CMKLR2: variants seen among roughly 807,000 people sequenced by gnomAD.
The protein encoded by CMKLR2 is chemerin-like receptor 2.
Under a neutral mutation model 23.0 loss-of-function variants are expected in CMKLR2, and 18 were observed. The observed-to-expected ratio is 0.78, with a 90% CI of 0.54 to 1.16. The LOEUF is 1.16. Among genes scored for constraint, CMKLR2 ranks in the 50% most tolerant of loss-of-function variants. The pLI, the probability that CMKLR2 is intolerant of heterozygous loss-of-function variation, is 0.00. For synonymous variants in CMKLR2, 158 were observed against 158.9 expected, an observed-to-expected ratio of 0.99 and a Z score of 0.05; for missense variants, 401 against 412.7, an observed-to-expected ratio of 0.97 and a Z score of 0.25.
At chr2:206,210,748 A>C (rs1689530767) in intron 1 of CMKLR2, among the ~76,000 whole-genome samples, 1 of 152,200 alleles carries the variant, frequency 6.6e-6, no homozygotes. Context: ...CGCATGAGCC[A>C]CCGTGCCCGG....
chr2:206,176,814 G>A lies in CMKLR2; in HGVS notation c.434C>T (p.Ser145Phe), dbSNP rs993078046. The change falls in exon 2 of 2, where the codon TCT becomes TTT. Residue 145 changes from serine to phenylalanine, a missense_variant. Coordinates refer to ENST00000621141, the MANE Select transcript of CMKLR2 (RefSeq NM_001389445.1). ...GTTCTTGAGGGTTCGATGCCGATGAGATAAGACAGGATGGATCAAGTGGAT... is the reference window on the plus strand; with the variant it reads ...GTTCTTGAGGGTTCGATGCCGATGAAATAAGACAGGATGGATCAAGTGGAT... The part of the protein sequence containing the change: ...HYIHLIHPVL[S>F]HRHRTLKNSL... 2 of 1,614,036 alleles carry A rather than the reference G, an allele frequency of 1.2e-6. No homozygotes were observed. The highest frequency in any genetic ancestry group is 1.7e-5 in the Admixed American group (1 of 59,990).
At chr2:206,210,651 G>T (rs1689526680) in intron 1 of CMKLR2, among the ~76,000 whole-genome samples, 1 of 151,952 alleles carries the variant, frequency 6.6e-6, no homozygotes, top group Non-Finnish European at 1.5e-5. Flanking sequence ...AGTAGAGACG[G>T]GGTTTCTCCA....
intron 1 of CMKLR2, among the ~76,000 whole-genome samples, chr2:206,211,398 C>T (rs112641086): frequency 0.085 from 12,861 of 152,170 alleles, 696 homozygotes; most frequent in Admixed American, 0.18. Context: ...GATCTTAGCT[C>T]ACCGCAGCCT....
upstream of CMKLR2, among the ~76,000 whole-genome samples, chr2:206,217,059 G>A (rs1426604054): frequency 6.6e-6 from 1 of 151,822 alleles, no homozygotes; most frequent in Non-Finnish European, 1.5e-5. Flanking sequence ...ATTAATTTTT[G>A]TCAGTGATCA....
Position 206,175,934 on chromosome 2 carries a change from AATT to A in CMKLR2, c.*243_*245del. 2.8e-6 allele frequency: 1 copy of A among 360,100 alleles called. No homozygotes were observed. Among genetic ancestry groups the A allele is most frequent in the Non-Finnish European group, 5.0e-6 (1 of 201,956 alleles). The allele number at this position is 360,100 out of a possible 1,614,324, so 22.3% of individuals were successfully genotyped here. On this transcript the variant is annotated 3_prime_UTR_variant, in exon 2 of 2. Transcript: ENST00000621141. ...GCATTTCATTTAAGTTGCAGAAAAA[AATT>A]ATGCGGATCCTTCCTAAGTATTTTC...
At chr2:206,202,338 T>C (rs1049836783) in intron 1 of CMKLR2, among the ~76,000 whole-genome samples, 1 of 152,180 alleles carries the variant, frequency 6.6e-6, no homozygotes, top group Non-Finnish European at 1.5e-5. Context: ...TGGGGTGACA[T>C]GGAGGCTATA....
chr2:206,203,953 G>A (rs923556472), intron 1 of CMKLR2: 1 of 152,174 alleles, frequency 6.6e-6, no homozygotes, highest in Non-Finnish European at 1.5e-5. Context: ...AGGGAACTGG[G>A]GAAGAAACCA....
intron 1 of CMKLR2, among the ~76,000 whole-genome samples, chr2:206,181,868 C>T (rs867921564): frequency 6.7e-6 from 1 of 148,924 alleles, no homozygotes; most frequent in African/African-American, 2.5e-5. Flanking sequence ...AGGAGAATTG[C>T]CTGAACTGGG....
At chr2:206,215,580 A>G (rs1260282377), upstream of CMKLR2, among the ~76,000 whole-genome samples, 1 of 152,248 alleles carries the variant, frequency 6.6e-6, no homozygotes, top group Non-Finnish European at 1.5e-5. Flanking sequence ...ACCTAAAACA[A>G]TTAAAACATA....
rs138365581 is a variant in CMKLR2, at chr2:206,176,878, T to C, written c.370A>G (p.Ser124Gly). 12,076 of 1,614,154 alleles carry C rather than the reference T, an allele frequency of 7.5e-3. 78 individuals carry two copies. The highest frequency in any genetic ancestry group is 8.7e-3 in the Middle Eastern group (53 of 6,062). Residue 124 changes from serine to glycine, a missense_variant, in exon 2 of 2, where the codon AGT becomes GGT. Transcript: ENST00000621141. ...SFTAQLNMFA[S>G]VFFLTVISLD... ...CTGATCACTGTCAGGAAAAAAACACTGGCAAACATGTTCAACTGGGCAGTG... is the reference window on the plus strand; with the variant it reads ...CTGATCACTGTCAGGAAAAAAACACCGGCAAACATGTTCAACTGGGCAGTG...
rs759796967 is a variant in CMKLR2 at position 206,176,867 on chromosome 2, G to GA, written c.380dup (p.Leu128ProfsTer56). 1 of 1,614,038 alleles carries GA rather than the reference G, an allele frequency of 6.2e-7. No homozygotes were observed. Among genetic ancestry groups the GA allele is most frequent in the Non-Finnish European group, 8.5e-7 (1 of 1,180,000 alleles). Reference sequence around the variant, plus strand: ...AGTGGTCCAGGCTGATCACTGTCAGGAAAAAAACACTGGCAAACATGTTCA... The same window carrying GA: ...AGTGGTCCAGGCTGATCACTGTCAGGAAAAAAAACACTGGCAAACATGTTCA... On this transcript the variant is annotated frameshift_variant, in exon 2 of 2. Transcript: ENST00000621141. LOFTEE classifies it high-confidence loss of function.
chr2:206,180,672 G>A lies in CMKLR2; in HGVS notation c.-28-3397C>T, dbSNP rs546754565. 7.3e-5 allele frequency among the ~76,000 whole-genome samples: 11 copies of A among 151,574 alleles called. 1 individual carries two copies. Among genetic ancestry groups the A allele is most frequent in the Admixed American group, 6.6e-4 (10 of 15,178 alleles). ...TGGTCTTGAACTCTTGGCCTTAAGTGATTCTCTTGCCTCAGCCTCCCAGAG... is the reference window on the plus strand; with the variant it reads ...TGGTCTTGAACTCTTGGCCTTAAGTAATTCTCTTGCCTCAGCCTCCCAGAG... On this transcript the variant is annotated intron_variant, in intron 1 of 1. Coordinates refer to ENST00000621141, the MANE Select transcript of CMKLR2 (RefSeq NM_001389445.1).
intron 1 of CMKLR2, among the ~76,000 whole-genome samples, chr2:206,194,366 G>A (rs190199627): frequency 6.6e-6 from 1 of 152,016 alleles, no homozygotes; most frequent in Admixed American, 6.5e-5. Context: ...TAAAGCACAG[G>A]TTAAAAGACT....
At chr2:206,189,815 G>T (rs1395993451) in intron 1 of CMKLR2, among the ~76,000 whole-genome samples, 2 of 152,190 alleles carry the variant, frequency 1.3e-5, no homozygotes, top group South Asian at 2.1e-4. Context: ...TGTGTGTGTT[G>T]CCCCAGGGGG....
At chr2:206,205,529 A>AT (rs35597653) in intron 1 of CMKLR2, among the ~76,000 whole-genome samples, 8,185 of 144,138 alleles carry the variant, frequency 0.057, 293 homozygotes, top group East Asian at 0.15. Context: ...CACCCGGCTA[A>AT]TTTTTTTTTT....
At chr2:206,205,677 C>T (rs1174853509) in intron 1 of CMKLR2, among the ~76,000 whole-genome samples, 1 of 151,436 alleles carries the variant, frequency 6.6e-6, no homozygotes, top group East Asian at 1.9e-4. Context: ...CACTTTTACA[C>T]AGTGTTCGGT....
chr2:206,178,204 G>A (rs1688292882), intron 1 of CMKLR2, among the ~76,000 whole-genome samples: 2 of 152,198 alleles, frequency 1.3e-5, no homozygotes, highest in African/African-American at 4.8e-5. Context: ...GTTTGAGGCT[G>A]CAGCGAGCTA....
chr2:206,203,308 G>T (rs1689173327), intron 1 of CMKLR2: 1 of 122,730 alleles, frequency 8.1e-6, no homozygotes, highest in Non-Finnish European at 1.6e-5. Context: ...CAGCCTGGGC[G>T]AAAAGCGCGA....
chr2:206,205,980 T>C (rs1038952385), intron 1 of CMKLR2, among the ~76,000 whole-genome samples: 4 of 152,192 alleles, frequency 2.6e-5, no homozygotes, highest in Non-Finnish European at 5.9e-5. Flanking sequence ...ATTACAGGCA[T>C]GAGCCACTGC....
Sources: allele counts gnomAD v4.1 joint callset (sites outside exome capture counted in the v4.1 genomes callset), GRCh38; gene constraint gnomAD v4.1.1; transcripts MANE v1.5; gene names NCBI Gene and HGNC (gene_info 2026-07-23, HGNC 2026-07-21).